Variants in WWOX observed in about 807,000 individuals in gnomAD.
WWOX encodes WW domain-containing oxidoreductase.
A neutral mutation model predicts 46.2 loss-of-function variants in WWOX; 69 were observed. That is an observed-to-expected ratio of 1.49 (90% confidence interval 1.23 to 1.82). The LOEUF is 1.82. Ranked by LOEUF, WWOX falls within the 40% of genes most tolerant of loss-of-function variation. WWOX has a pLI of 0.00. For synonymous variants in WWOX, 359 were observed against 202.6 expected (o/e 1.77, Z -6.56); for missense variants, 919 against 542.6 (o/e 1.69, Z -6.89).
chr16:78,151,009 C>A (rs924889368), intron 4 of WWOX, among the ~76,000 whole-genome samples: 5 of 150,966 alleles, frequency 3.3e-5, no homozygotes, highest in Non-Finnish European at 5.9e-5. Flanking sequence ...TCTTGAGTAA[C>A]TGGGACTGCA....
chr16:79,084,492 C>T (rs1222225431), intron 8 of WWOX, among the ~76,000 whole-genome samples: 2 of 152,136 alleles, frequency 1.3e-5, no homozygotes, highest in Non-Finnish European at 2.9e-5. Context: ...ACAGTCTCGG[C>T]TCACTGCAAC....
chr16:78,900,824 AC>A (rs1228741909), intron 8 of WWOX, among the ~76,000 whole-genome samples: 1 of 146,760 alleles, frequency 6.8e-6, no homozygotes, highest in Non-Finnish European at 1.5e-5. Flanking sequence ...ATAAAATTGT[AC>A]TTTTAATCAG....
intron 8 of WWOX, among the ~76,000 whole-genome samples, chr16:78,650,368 G>C (rs1370525733): frequency 1.3e-5 from 2 of 152,042 alleles, no homozygotes; most frequent in Non-Finnish European, 2.9e-5. Context: ...CCATAAGCTG[G>C]AGACACTGCC....
chr16:78,227,000 T>A (rs2151803136), intron 5 of WWOX, among the ~76,000 whole-genome samples: 1 of 152,368 alleles, frequency 6.6e-6, no homozygotes, highest in Non-Finnish European at 1.5e-5. Flanking sequence ...GGATTTCTGT[T>A]ACCATTGGCA....
chr16:78,557,664 C>A (rs1297171140), intron 8 of WWOX, among the ~76,000 whole-genome samples: 1 of 144,502 alleles, frequency 6.9e-6, no homozygotes, highest in Non-Finnish European at 1.5e-5. Flanking sequence ...AAATGCGACA[C>A]ATAAGTGCAT....
chr16:78,418,271 G>A (rs370280767), intron 6 of WWOX, among the ~76,000 whole-genome samples: 1 of 152,070 alleles, frequency 6.6e-6, no homozygotes, highest in Non-Finnish European at 1.5e-5. Flanking sequence ...GGCTGAGGCA[G>A]GAGAATGGCG....
chr16:78,466,563 C>G (rs1861001641), intron 8 of WWOX, among the ~76,000 whole-genome samples: 1 of 152,158 alleles, frequency 6.6e-6, no homozygotes, highest in African/African-American at 2.4e-5. Flanking sequence ...CGTGCAGTGG[C>G]TCACACCTGT....
chr16:78,137,474 G>T (rs1020689323), intron 4 of WWOX, among the ~76,000 whole-genome samples: 1 of 152,136 alleles, frequency 6.6e-6, no homozygotes, highest in Non-Finnish European at 1.5e-5. Flanking sequence ...GTGTCTGACC[G>T]CTTGTGTTAG....
At chr16:78,525,933 C>T (rs1291791812) in intron 8 of WWOX, 1 of 151,702 alleles carries the variant, frequency 6.6e-6, no homozygotes, top group Admixed American at 6.6e-5. Flanking sequence ...ATCATATAAG[C>T]ATGATTTATC....
At chr16:79,145,825 A>C (rs1014017824) in intron 8 of WWOX, among the ~76,000 whole-genome samples, 4 of 152,190 alleles carry the variant, frequency 2.6e-5, no homozygotes, top group African/African-American at 9.7e-5. Context: ...AGATAGAAAA[A>C]AACCCCATTC....
intron 8 of WWOX, among the ~76,000 whole-genome samples, chr16:78,579,428 T>A (rs532274390): frequency 6.6e-6 from 1 of 152,238 alleles, no homozygotes; most frequent in Non-Finnish European, 1.5e-5. Context: ...GGAAGGGTAC[T>A]CAGGCTGAAG....
At chr16:79,159,888 C>G (rs2050451524) in intron 8 of WWOX, among the ~76,000 whole-genome samples, 3 of 152,108 alleles carry the variant, frequency 2.0e-5, no homozygotes. Context: ...TATGCCGCAC[C>G]TCCTCTTTGA....
chr16:78,556,939 G>A (rs756143654), intron 8 of WWOX, among the ~76,000 whole-genome samples: 2 of 152,028 alleles, frequency 1.3e-5, no homozygotes, highest in Non-Finnish European at 2.9e-5. Flanking sequence ...GGCTGGTCTT[G>A]AACTCTTGAC....
intron 8 of WWOX, among the ~76,000 whole-genome samples, chr16:78,774,972 G>C (rs914647419): frequency 1.3e-5 from 2 of 152,120 alleles, no homozygotes; most frequent in Admixed American, 6.5e-5. Flanking sequence ...GTGTATGCTC[G>C]AAGAGGGGCT....
chr16:78,356,164 G>A (rs111454031), intron 5 of WWOX, among the ~76,000 whole-genome samples: 8,196 of 146,812 alleles, frequency 0.056, 345 homozygotes, highest in East Asian at 0.17. Flanking sequence ...TCCAGCTTGG[G>A]CGACAGAGCG....
At chr16:78,457,796 G>C (rs889020730) in intron 8 of WWOX, among the ~76,000 whole-genome samples, 17 of 150,614 alleles carry the variant, frequency 1.1e-4, no homozygotes, top group African/African-American at 4.2e-4. Flanking sequence ...GGCGCCTGTA[G>C]TCCCAGCTAC....
intron 8 of WWOX, among the ~76,000 whole-genome samples, chr16:79,098,653 A>G (rs1391428186): frequency 1.3e-5 from 2 of 152,336 alleles, no homozygotes; most frequent in East Asian, 3.9e-4. Flanking sequence ...AATTTTTCCT[A>G]AAATGTGCAG....
At chr16:78,645,887 C>G (rs2046828217) in intron 8 of WWOX, among the ~76,000 whole-genome samples, 1 of 152,122 alleles carries the variant, frequency 6.6e-6, no homozygotes, top group African/African-American at 2.4e-5. Context: ...TTTTCGATTT[C>G]TGGAGGCCAC....
chr16:78,356,793 A>G (rs2072189381), intron 5 of WWOX, among the ~76,000 whole-genome samples: 1 of 152,048 alleles, frequency 6.6e-6, no homozygotes, highest in Non-Finnish European at 1.5e-5. Context: ...GAGGCAGGAG[A>G]ATTTCTTGAA....
Sources: allele counts gnomAD v4.1 joint callset (sites outside exome capture counted in the v4.1 genomes callset), GRCh38; gene constraint gnomAD v4.1.1; transcripts MANE v1.5; gene names NCBI Gene and HGNC (gene_info 2026-07-23, HGNC 2026-07-21).